The following SHROOM3 variants were observed in gnomAD, a reference collection of about 807,000 sequenced individuals.
The protein encoded by SHROOM3 is protein Shroom3.
A neutral mutation model predicts 138.6 loss-of-function variants in SHROOM3; 47 were observed. The observed-to-expected ratio is 0.34, with a 90% CI of 0.27 to 0.43. The LOEUF is 0.43. Ranked by LOEUF, SHROOM3 falls within the 20% of genes least tolerant of loss-of-function variation. The pLI is 1.00. For missense variants in SHROOM3, 2,491 were observed against 2,596.5 expected (o/e 0.96, Z 0.88); for synonymous variants, 1,062 against 1,063.3 (o/e 1.00, Z 0.02).
chr4:76,509,314 T>C (rs1157745955), intron 1 of SHROOM3: 2 of 152,166 alleles, frequency 1.3e-5, no homozygotes, highest in African/African-American at 4.8e-5. Context: ...TTAGTTTTTG[T>C]AGTACAGCTG....
intron 1 of SHROOM3, among the ~76,000 whole-genome samples, chr4:76,457,803 T>C (rs563147196): frequency 1.3e-3 from 194 of 151,042 alleles, no homozygotes; most frequent in African/African-American, 4.2e-3. Flanking sequence ...CTTTTCTTTT[T>C]TTTTTTTTTT....
chr4:76,569,171 C>T (rs2110037071), intron 2 of SHROOM3, among the ~76,000 whole-genome samples: 1 of 152,316 alleles, frequency 6.6e-6, no homozygotes, highest in African/African-American at 2.4e-5. Flanking sequence ...AAGAACAGAT[C>T]CAACCGAGGA....
At chr4:76,514,744 C>T (rs1343614929) in intron 1 of SHROOM3, among the ~76,000 whole-genome samples, 1 of 151,866 alleles carries the variant, frequency 6.6e-6, no homozygotes, top group Non-Finnish European at 1.5e-5. Flanking sequence ...AAATATAATT[C>T]AATTAAAATT....
intron 3 of SHROOM3, among the ~76,000 whole-genome samples, chr4:76,728,179 G>A (rs1471652639): frequency 1.3e-5 from 2 of 152,092 alleles, no homozygotes; most frequent in Non-Finnish European, 2.9e-5. Context: ...TCAAGGTTTA[G>A]TGGTTACATG....
intron 1 of SHROOM3, among the ~76,000 whole-genome samples, chr4:76,554,201 G>T (rs991055870): frequency 6.6e-6 from 1 of 152,108 alleles, no homozygotes; most frequent in African/African-American, 2.4e-5. Context: ...ACTTGAAATT[G>T]TGTGGTATGT....
At chr4:76,757,161 AG>A (rs763501271) in intron 8 of SHROOM3, 47 of 579,416 alleles carry the variant, frequency 8.1e-5, no homozygotes, top group Non-Finnish European at 1.3e-4. Flanking sequence ...AATTGCCATT[AG>A]TACCCATTGT....
chr4:76,627,156 C>T (rs542358542), intron 2 of SHROOM3, among the ~76,000 whole-genome samples: 5 of 152,124 alleles, frequency 3.3e-5, no homozygotes, highest in African/African-American at 7.2e-5. Flanking sequence ...TTGGGGGATG[C>T]GAGTAGGGGC....
At chr4:76,539,339 C>T (rs748899050) in intron 1 of SHROOM3, among the ~76,000 whole-genome samples, 1 of 152,112 alleles carries the variant, frequency 6.6e-6, no homozygotes, top group Non-Finnish European at 1.5e-5. Context: ...TGATCAGAAG[C>T]CTTCCTCTAG....
chr4:76,684,788 T>A (rs532099790), intron 2 of SHROOM3, among the ~76,000 whole-genome samples: 1 of 152,286 alleles, frequency 6.6e-6, no homozygotes, highest in African/African-American at 2.4e-5. Flanking sequence ...GTGATAGAGA[T>A]GTTAAAAGGT....
At chr4:76,476,498 T>C (rs1343563416) in intron 1 of SHROOM3, among the ~76,000 whole-genome samples, 1 of 152,180 alleles carries the variant, frequency 6.6e-6, no homozygotes, top group Admixed American at 6.5e-5. Context: ...ATCCAATTCA[T>C]CTCTAGACAT....
intron 1 of SHROOM3, among the ~76,000 whole-genome samples, chr4:76,437,208 G>A (rs918114664): frequency 2.6e-5 from 4 of 152,104 alleles, no homozygotes; most frequent in East Asian, 1.9e-4. Flanking sequence ...ACGAGTGCAC[G>A]GGACACCATT....
chr4:76,770,341 A>C (rs887029694), intron 9 of SHROOM3, among the ~76,000 whole-genome samples: 32 of 149,378 alleles, frequency 2.1e-4, no homozygotes, highest in Non-Finnish European at 3.9e-4. Flanking sequence ...AAAAAAAAAA[A>C]AAAAAAAAAA....
intron 1 of SHROOM3, among the ~76,000 whole-genome samples, chr4:76,515,393 AAAGG>A (rs1560530482): frequency 6.6e-6 from 1 of 152,012 alleles, no homozygotes; most frequent in African/African-American, 2.4e-5. Flanking sequence ...CTGAAAAAAA[AAAGG>A]AAGGAAGGAA....
chr4:76,727,610 C>T (rs1333117796), intron 3 of SHROOM3, among the ~76,000 whole-genome samples: 1 of 152,194 alleles, frequency 6.6e-6, no homozygotes, highest in African/African-American at 2.4e-5. Context: ...GTTGATTCGG[C>T]CGGGCACGGT....
At chr4:76,706,668 G>A (rs10001658) in intron 2 of SHROOM3, among the ~76,000 whole-genome samples, 64,250 of 151,960 alleles carry the variant, frequency 0.42, 14,993 homozygotes, top group African/African-American at 0.61. Flanking sequence ...CGTAGTTCAA[G>A]CTTCTGTTGT....
rs562568964 is a variant in SHROOM3, at chr4:76,645,056, C to T, written c.324-65100C>T. Among the ~76,000 whole-genome samples, 4 of 152,328 alleles carry T rather than the reference C, an allele frequency of 2.6e-5. No homozygotes were observed. The East Asian group carries it at 7.7e-4, about 29-fold the overall frequency. On this transcript the variant is annotated intron_variant, in intron 2 of 10. Transcript: ENST00000296043. ...AGGTCATACAGTTAGAAAGTCAGAA[C>T]TTGAACCCTGGCTCTTTGACTCCAA... is the stretch of plus-strand genomic sequence containing the variant.
At chr4:76,529,630 GA>G (rs1732789176) in intron 1 of SHROOM3, among the ~76,000 whole-genome samples, 1 of 152,100 alleles carries the variant, frequency 6.6e-6, no homozygotes, top group Admixed American at 6.5e-5. Context: ...CAGCCTGTAG[GA>G]TTTTTGATGG....
intron 2 of SHROOM3, among the ~76,000 whole-genome samples, chr4:76,593,194 A>T (rs192114735): frequency 3.0e-4 from 46 of 152,368 alleles, no homozygotes; most frequent in African/African-American, 1.1e-3. Context: ...TGCTGAATGA[A>T]TGAAAAGATC....
chr4:76,609,744 A>G (rs2090059401), intron 2 of SHROOM3, among the ~76,000 whole-genome samples: 2 of 152,230 alleles, frequency 1.3e-5, no homozygotes, highest in Non-Finnish European at 2.9e-5. Flanking sequence ...TTTTGTGCCC[A>G]TCCACCACTT....
Sources: gnomAD v4.1 joint callset for allele counts (sites outside exome capture counted in the v4.1 genomes callset) on GRCh38, gnomAD v4.1.1 for gene constraint, MANE v1.5 for transcripts, NCBI Gene and HGNC (gene_info 2026-07-23, HGNC 2026-07-21) for gene names.